The following MCMBP variants were observed in gnomAD, a reference collection of about 807,000 sequenced individuals.
MCMBP encodes the protein mini-chromosome maintenance complex-binding protein.
MCMBP carries 31 observed loss-of-function variants against 81.3 expected under a neutral mutation model. The observed-to-expected ratio is 0.38, with a 90% CI of 0.29 to 0.51. The LOEUF (loss-of-function observed/expected upper bound fraction) is 0.51. Among genes scored for constraint, MCMBP ranks in the 20% least tolerant of loss-of-function variants. MCMBP has a pLI of 0.87. For missense variants in MCMBP, 645 were observed against 772.1 expected, an observed-to-expected ratio of 0.84 and a Z score of 1.95; for synonymous variants, 267 against 275.9, an observed-to-expected ratio of 0.97 and a Z score of 0.32.
At chr10:119,831,919 G>A (rs550165130) in intron 15 of MCMBP, 93 bp downstream of exon 15, 16 of 1,281,148 alleles carry the variant, frequency 1.2e-5, no homozygotes, top group East Asian at 7.1e-5. Context: ...GTTCATTTCC[G>A]TTTTTAGAAT....
At chr10:119,871,107 A>T (rs1236609907) in intron 1 of MCMBP, among the ~76,000 whole-genome samples, 2 of 152,224 alleles carry the variant, frequency 1.3e-5, no homozygotes. Flanking sequence ...TTAGTAACTG[A>T]AATTTAACCC....
chr10:119,858,972 A>G (rs745798762), intron 3 of MCMBP, 47 bp from the exon 4 acceptor site: 2 of 1,609,980 alleles, frequency 1.2e-6, no homozygotes, highest in African/African-American at 2.7e-5. Context: ...ATATATCTGA[A>G]CCAAAACTAC....
upstream of MCMBP, among the ~76,000 whole-genome samples, chr10:119,873,009 C>T (rs577014065): frequency 1.0e-3 from 156 of 151,902 alleles, 4 homozygotes; most frequent in South Asian, 0.031. Context: ...CACGCAGCGC[C>T]GCTGGAGGCT....
chr10:119,866,224 C>G (rs1407773129), intron 1 of MCMBP, among the ~76,000 whole-genome samples: 1 of 152,148 alleles, frequency 6.6e-6, no homozygotes, highest in African/African-American at 2.4e-5. Context: ...CACGAAACGT[C>G]CAGAATAGGT....
intron 1 of MCMBP, among the ~76,000 whole-genome samples, chr10:119,870,717 ATACTTG>A (rs1366262267): frequency 2.0e-5 from 3 of 152,216 alleles, no homozygotes; most frequent in Non-Finnish European, 4.4e-5. Flanking sequence ...TCACACAAAC[ATACTTG>A]TAATGCTGTT....
chr10:119,855,877 GGTTTAAAT>G (rs1362798856), intron 5 of MCMBP, among the ~76,000 whole-genome samples: 2 of 152,102 alleles, frequency 1.3e-5, no homozygotes, highest in African/African-American at 4.8e-5. Context: ...TCAACAACTG[GGTTTAAAT>G]GACTTCAAAA....
At chr10:119,843,151 T>G (rs1274012930) in intron 9 of MCMBP, 103 bp downstream of exon 9, 1 of 1,277,134 alleles carries the variant, frequency 7.8e-7, no homozygotes. Flanking sequence ...TTGTGAGGAA[T>G]GAAGACCTGA....
At chr10:119,843,658 A>G (rs1379024962) in intron 8 of MCMBP, among the ~76,000 whole-genome samples, 1 of 151,766 alleles carries the variant, frequency 6.6e-6, no homozygotes, top group African/African-American at 2.4e-5. Context: ...CAAGAACGGT[A>G]TTTTTATTTT....
chr10:119,872,537 C>A lies in MCMBP; in HGVS notation c.48G>T (p.Gln16His). ...GGCGCCGCCACTCACCGAAGAATCC[C>A]TGCACGATTCCCAGCGGGTGGCTGA... ...DWLSHPLGIV[Q>H]GFFAQNGVNP... The change falls in exon 1 of 16, where the codon CAG becomes CAT. Residue 16 changes from glutamine to histidine, a missense_variant. Transcript: ENST00000369077. 8.4e-7 allele frequency: 1 copy of A among 1,194,080 alleles called. No homozygotes were observed. The highest frequency in any genetic ancestry group is 3.9e-5 in the East Asian group (1 of 25,694). 74.0% of individuals were successfully genotyped at this position (1,194,080 alleles called of 1,614,324 possible).
rs150912075 is a variant in MCMBP at position 119,830,778 on chromosome 10, C to T, written c.*696G>A. ...AATGGTGATAATACAGTGATTTATT[C>T]GGATTACTTGGCAAGGTAAATTGGC... On this transcript the variant is annotated 3_prime_UTR_variant, in exon 16 of 16. Coordinates refer to ENST00000369077, the MANE Select transcript of MCMBP (RefSeq NM_001256378.2). 29 of 152,644 alleles carry T rather than the reference C, an allele frequency of 1.9e-4. No individual in the cohort carries two copies. The highest frequency in any genetic ancestry group is 6.3e-4 in the African/African-American group (26 of 41,522). The allele number at this position is 152,644 out of a possible 1,614,324, so 9.5% of individuals were successfully genotyped here.
chr10:119,832,202 G>T, intron 14 of MCMBP, 102 bp from the exon 15 acceptor site: 1 of 917,148 alleles, frequency 1.1e-6, no homozygotes, highest in Non-Finnish European at 1.6e-6. Flanking sequence ...CAGCCTCTTA[G>T]ACAAAGGAGG....
rs376824197 is a variant in MCMBP, at chr10:119,858,998, G to A, written c.285+43C>T. 5.0e-6 allele frequency: 8 copies of A among 1,610,798 alleles called. No individual in the cohort carries two copies. The African/African-American group carries it at 9.4e-5, about 19-fold the overall frequency. ...CCAAAACTACCACCAACAGTAAAAG[G>A]ACAAAATTAATACCACAAATTCATG... On this transcript the variant is annotated intron_variant, in intron 3 of 15. Transcript: ENST00000369077.
At position 119,831,300 on chromosome 10, in the gene MCMBP, T is replaced by C. The variant is rs1852025653; in HGVS notation, c.*174A>G. On this transcript the variant is annotated 3_prime_UTR_variant, in exon 16 of 16. Coordinates refer to ENST00000369077, the MANE Select transcript of MCMBP (RefSeq NM_001256378.2). ...CAAAAGCTCCATGAAATCAGTAAGG[T>C]AAAAGTCCTTACTGAATATCATATA... 1.1e-5 allele frequency: 6 copies of C among 530,724 alleles called. No individual in the cohort carries two copies. Among genetic ancestry groups the C allele is most frequent in the African/African-American group, 7.9e-5 (4 of 50,840 alleles). 32.9% of individuals were successfully genotyped at this position (530,724 alleles called of 1,614,324 possible). A position where few individuals can be genotyped will look rare whatever the true frequency, so the allele number is the denominator to read the frequency against.
At chr10:119,836,282 G>A (rs1852239163) in intron 13 of MCMBP, among the ~76,000 whole-genome samples, 1 of 152,156 alleles carries the variant, frequency 6.6e-6, no homozygotes, top group South Asian at 2.1e-4. Context: ...AATTAAAAAG[G>A]TCTATCAATA....
At chr10:119,859,479 T>G (rs995445664) in intron 2 of MCMBP, among the ~76,000 whole-genome samples, 2 of 152,226 alleles carry the variant, frequency 1.3e-5, no homozygotes, top group African/African-American at 4.8e-5. Flanking sequence ...TTTACTTTGT[T>G]GAGCTCTTCT....
intron 6 of MCMBP, among the ~76,000 whole-genome samples, chr10:119,852,400 G>A (rs918890266): frequency 1.3e-5 from 2 of 152,186 alleles, no homozygotes; most frequent in African/African-American, 2.4e-5. Flanking sequence ...CTGGTTGGGC[G>A]TGGTGGCTCG....
chr10:119,844,062 G>A (rs17681175), intron 8 of MCMBP, among the ~76,000 whole-genome samples: 16,594 of 152,200 alleles, frequency 0.11, 956 homozygotes, highest in South Asian at 0.17. Flanking sequence ...ACTATTGGCC[G>A]GGACATCGAA....
chr10:119,842,133 T>C (rs1852455823), intron 10 of MCMBP, among the ~76,000 whole-genome samples: 1 of 152,190 alleles, frequency 6.6e-6, no homozygotes, highest in Non-Finnish European at 1.5e-5. Context: ...TAATGCCTGA[T>C]GTTCTGAGGT....
intron 8 of MCMBP, among the ~76,000 whole-genome samples, chr10:119,845,520 A>C (rs550776599): frequency 1.3e-5 from 2 of 152,248 alleles, no homozygotes; most frequent in Non-Finnish European, 2.9e-5. Context: ...TAAAAAAATA[A>C]ATACAGGAAG....
Sources: gnomAD v4.1 joint callset for allele counts (sites outside exome capture counted in the v4.1 genomes callset) on GRCh38, gnomAD v4.1.1 for gene constraint, MANE v1.5 for transcripts, NCBI Gene and HGNC (gene_info 2026-07-23, HGNC 2026-07-21) for gene names.